CERKL: variants seen among roughly 807,000 people sequenced by gnomAD.
CERKL encodes CERK like autophagy regulator, also known as ceramide kinase-like protein.
Under a neutral mutation model 63.4 loss-of-function variants are expected in CERKL, and 61 were observed. The ratio of observed to expected loss-of-function variants is 0.96; its 90% CI spans 0.78 to 1.19. The LOEUF (loss-of-function observed/expected upper bound fraction) is 1.19, where lower values mean the gene tolerates loss of function less well. CERKL is among the 50% of genes most tolerant of loss of function. CERKL has a pLI of 0.00. For missense variants in CERKL, 675 were observed against 655.5 expected (o/e 1.03, Z -0.33); for synonymous variants, 250 against 230.5 (o/e 1.08, Z -0.77).
Position 181,558,484 on chromosome 2 carries a change from G to T in CERKL, c.820+82C>A, listed in dbSNP as rs761420671. On this transcript the variant is annotated intron_variant, in intron 5 of 12. Coordinates refer to ENST00000410087, the MANE Select transcript of CERKL (RefSeq NM_201548.5). This position sits in a 1 kb window ranked among gnomAD's most constrained non-coding sequence, Gnocchi z 4.2. ...CTTTCAAAGTCTGTTCATTAATTCT[G>T]TGTTGTGCTGTCTAGATTAGCAAGT... is the stretch of plus-strand genomic sequence containing the variant. The T allele has an allele frequency of 2.8e-6, 4 of 1,429,170 alleles. No homozygotes were observed. Among genetic ancestry groups the T allele is most frequent in the Non-Finnish European group, 2.9e-6 (3 of 1,020,176 alleles). 88.5% of individuals were successfully genotyped at this position (1,429,170 alleles called of 1,614,324 possible). A position where few individuals can be genotyped will look rare whatever the true frequency, so the allele number is the denominator to read the frequency against.
rs1687773232 is a variant in CERKL at position 181,648,695 on chromosome 2, G to A, written c.238+8074C>T. On this transcript the variant is annotated intron_variant, in intron 1 of 12. Transcript: ENST00000410087. ...TAAACCTGTCGATCCTCTAGATGAAGGTTTAAAGTACAACTGGTCAAAAAC... is the reference window on the plus strand; with the variant it reads ...TAAACCTGTCGATCCTCTAGATGAAAGTTTAAAGTACAACTGGTCAAAAAC... 2.6e-5 allele frequency among the ~76,000 whole-genome samples: 4 copies of A among 152,142 alleles called. No individual in the cohort carries two copies. In the South Asian group the frequency reaches 8.3e-4, roughly 31 times the overall value.
At chr2:181,582,001 G>A (rs953399473) in intron 2 of CERKL, among the ~76,000 whole-genome samples, 1 of 152,070 alleles carries the variant, frequency 6.6e-6, no homozygotes, top group African/African-American at 2.4e-5. Flanking sequence ...TTTGTTGAAC[G>A]TTTACAAAAA....
intron 4 of CERKL, 41 bp downstream of exon 4, chr2:181,566,017 C>T (rs377710871): frequency 1.5e-6 from 2 of 1,296,624 alleles, no homozygotes; most frequent in African/African-American, 3.0e-5. Context: ...GCATTTAATA[C>T]ATAAATGATA....
At chr2:181,551,554 A>T (rs1018776613) in intron 5 of CERKL, among the ~76,000 whole-genome samples, 5 of 110,258 alleles carry the variant, frequency 4.5e-5, no homozygotes, top group Admixed American at 9.7e-5. Flanking sequence ...ACAAACATAT[A>T]AAAAAAAAGC....
intron 1 of CERKL, among the ~76,000 whole-genome samples, chr2:181,635,686 T>C (rs1687149717): frequency 6.6e-6 from 1 of 152,222 alleles, no homozygotes; most frequent in Non-Finnish European, 1.5e-5. Flanking sequence ...GTTTGTAACA[T>C]TTAGTAAACT....
chr2:181,553,381 C>T (rs1412364136), intron 5 of CERKL, among the ~76,000 whole-genome samples: 5 of 152,090 alleles, frequency 3.3e-5, no homozygotes, highest in Admixed American at 6.6e-5. Context: ...TTAGGATTAT[C>T]GATGGATTAC....
intron 2 of CERKL, among the ~76,000 whole-genome samples, chr2:181,590,710 A>T (rs984046356): frequency 6.6e-6 from 1 of 152,196 alleles, no homozygotes; most frequent in African/African-American, 2.4e-5. Flanking sequence ...TTAAAACTAT[A>T]TTGATATACC....
intron 3 of CERKL, among the ~76,000 whole-genome samples, chr2:181,570,738 G>A (rs1057397127): frequency 1.3e-5 from 2 of 152,082 alleles, no homozygotes; most frequent in South Asian, 4.1e-4. Flanking sequence ...AATGTGGTAA[G>A]ATCCATTTTT....
chr2:181,549,331 A>C (rs1164174912), intron 6 of CERKL, among the ~76,000 whole-genome samples: 1 of 152,170 alleles, frequency 6.6e-6, no homozygotes, highest in East Asian at 1.9e-4. Context: ...GGATATACTT[A>C]AGGAGTATTC....
intron 1 of CERKL, among the ~76,000 whole-genome samples, chr2:181,607,962 A>G (rs1209572296): frequency 6.6e-6 from 1 of 152,230 alleles, no homozygotes; most frequent in Non-Finnish European, 1.5e-5. Context: ...AAAATCAGCT[A>G]GTCAAACAAT....
intron 1 of CERKL, among the ~76,000 whole-genome samples, chr2:181,643,710 TGA>T (rs1176489477): frequency 6.6e-6 from 1 of 152,152 alleles, no homozygotes; most frequent in African/African-American, 2.4e-5. Flanking sequence ...GTTTCCAACA[TGA>T]GATAGCACTG....
chr2:181,571,831 G>T (rs1688915751), intron 3 of CERKL, among the ~76,000 whole-genome samples: 1 of 152,122 alleles, frequency 6.6e-6, no homozygotes, highest in Admixed American at 6.6e-5. Context: ...ATTCCAGATT[G>T]ACTGCGCTAA....
At chr2:181,541,473 A>T (rs1687502842) in intron 11 of CERKL, among the ~76,000 whole-genome samples, 1 of 152,224 alleles carries the variant, frequency 6.6e-6, no homozygotes, top group Admixed American at 6.5e-5. Context: ...TGGTAATAAG[A>T]GGTGGGGTTG....
chr2:181,586,810 C>T (rs1367825885), intron 2 of CERKL, among the ~76,000 whole-genome samples: 3 of 152,268 alleles, frequency 2.0e-5, no homozygotes, highest in East Asian at 1.9e-4. Context: ...GCGGCAGGGA[C>T]GCCACTCCCA....
rs569778019 is a variant in CERKL at position 181,549,978 on chromosome 2, C to T, written c.821-270G>A. 1.1e-4 allele frequency among the ~76,000 whole-genome samples: 16 copies of T among 152,066 alleles called. 1 individual carries two copies. The highest frequency in any genetic ancestry group is 1.9e-4 in the Non-Finnish European group (13 of 67,984). On this transcript the variant is annotated intron_variant, in intron 5 of 12. Transcript: ENST00000410087. ...TAACCGCTTACAGCTTTTTTGATCA[C>T]GAATGTCTATTTTCTACCTCCCAAA...
chr2:181,548,968 T>C (rs1687863033), intron 6 of CERKL, 111 bp from the exon 7 acceptor site: 1 of 918,850 alleles, frequency 1.1e-6, no homozygotes, highest in African/African-American at 1.6e-5. Flanking sequence ...AAAGGTACTG[T>C]AGACCATGAA....
intron 1 of CERKL, among the ~76,000 whole-genome samples, chr2:181,623,021 C>A (rs896674082): frequency 6.6e-6 from 1 of 152,156 alleles, no homozygotes; most frequent in Admixed American, 6.6e-5. Context: ...ACTCATAATT[C>A]TTTAGAGAGA....
chr2:181,568,807 G>A (rs898393912), intron 3 of CERKL, among the ~76,000 whole-genome samples: 11 of 151,316 alleles, frequency 7.3e-5, no homozygotes, highest in African/African-American at 2.7e-4. Context: ...CTAGCATTAG[G>A]TATATCTCCC....
chr2:181,599,704 T>C (rs1423723485), intron 2 of CERKL, among the ~76,000 whole-genome samples: 2 of 152,036 alleles, frequency 1.3e-5, no homozygotes, highest in Non-Finnish European at 2.9e-5. Flanking sequence ...TATGGGATTA[T>C]GTAAAGCAAC....
Sources: gnomAD v4.1 joint callset for allele counts (sites outside exome capture counted in the v4.1 genomes callset) on GRCh38, gnomAD v4.1.1 for gene constraint, Gnocchi (gnomAD v3.1) non-coding constraint, MANE v1.5 for transcripts, NCBI Gene and HGNC (gene_info 2026-07-23, HGNC 2026-07-21) for gene names.